The following GALNT18 variants were observed in gnomAD, a reference collection of about 807,000 sequenced individuals.
GALNT18 encodes the protein GalNAc-transferase 18.
In GALNT18, 44 loss-of-function variants were observed where a neutral mutation model predicts 69.5. The ratio of observed to expected loss-of-function variants is 0.63; its 90% CI spans 0.50 to 0.81. The LOEUF (loss-of-function observed/expected upper bound fraction) is 0.81. GALNT18 is among the 40% of genes least tolerant of loss of function. The probability of loss-of-function intolerance (pLI) is 0.00; values close to 1 mark genes in which losing one functional copy is unlikely to be tolerated. For synonymous variants in GALNT18, 364 were observed against 318.2 expected, an observed-to-expected ratio of 1.14 and a Z score of -1.53; for missense variants, 715 against 810.0, an observed-to-expected ratio of 0.88 and a Z score of 1.42.
chr11:11,398,431 C>T (rs1854384163), intron 3 of GALNT18, among the ~76,000 whole-genome samples: 1 of 152,178 alleles, frequency 6.6e-6, no homozygotes, highest in Non-Finnish European at 1.5e-5. Context: ...TTTACTCCTC[C>T]CAACAAGCTT....
chr11:11,354,174 G>A (rs1348743790), intron 6 of GALNT18, among the ~76,000 whole-genome samples: 1 of 152,170 alleles, frequency 6.6e-6, no homozygotes, highest in African/African-American at 2.4e-5. Flanking sequence ...ATCATCACTG[G>A]TGTCATCTCT....
intron 1 of GALNT18, among the ~76,000 whole-genome samples, chr11:11,521,687 C>T (rs2133928978): frequency 6.6e-6 from 1 of 152,276 alleles, no homozygotes; most frequent in South Asian, 2.1e-4. Context: ...TCAAAGCCAC[C>T]TTCTTCCTAA....
Position 11,377,766 on chromosome 11 carries a change from T to C in GALNT18, c.780-387A>G, listed in dbSNP as rs78104197. Among the ~76,000 whole-genome samples the C allele has an allele frequency of 8.6e-4, 131 of 152,274 alleles. No individual in the cohort carries two copies. The highest frequency in any genetic ancestry group is 1.7e-3 in the Non-Finnish European group (118 of 68,036). Reference sequence around the variant, plus strand: ...CTTTCACCTTGGGCTTTGATTTTGCTAAAATTCTATGTGTCAACCTGGAGG... The same window carrying C: ...CTTTCACCTTGGGCTTTGATTTTGCCAAAATTCTATGTGTCAACCTGGAGG... On this transcript the variant is annotated intron_variant, in intron 4 of 10. Transcript: ENST00000227756. This position sits in a 1 kb window ranked among gnomAD's most constrained non-coding sequence, Gnocchi z 4.6.
At position 11,461,364 on chromosome 11, in the gene GALNT18, A is replaced by G. The variant is rs866323772; in HGVS notation, c.236-12428T>C. ...ATTATGCAGAATGAAAGCTGCTATT[A>G]AAGGGTCAAGTTTTTACACTCCATG... On this transcript the variant is annotated intron_variant, in intron 1 of 10. Coordinates refer to ENST00000227756, the MANE Select transcript of GALNT18 (RefSeq NM_198516.3). The surrounding 1 kb of genome is among the most constrained non-coding windows in gnomAD (Gnocchi z 4.1). Among the ~76,000 whole-genome samples, 22 of 152,292 alleles carry G rather than the reference A, an allele frequency of 1.4e-4. No individual in the cohort carries two copies. The highest frequency in any genetic ancestry group is 3.4e-3 in the Middle Eastern group (1 of 294).
rs887952626 is a variant in GALNT18, at chr11:11,529,629, A to C, written c.236-80693T>G. Among the ~76,000 whole-genome samples, 370 of 94,012 alleles carry C rather than the reference A, an allele frequency of 3.9e-3. 1 individual carries two copies. Among genetic ancestry groups the C allele is most frequent in the African/African-American group, 0.012 (349 of 29,034 alleles). 61.7% of individuals were successfully genotyped at this position (94,012 alleles called of 152,430 possible). On this transcript the variant is annotated intron_variant, in intron 1 of 10. Coordinates refer to ENST00000227756, the MANE Select transcript of GALNT18 (RefSeq NM_198516.3). ...CAATTCTTTATAATAATCTCCTTAT[A>C]TATATATATACACACACACACACAC...
intron 3 of GALNT18, among the ~76,000 whole-genome samples, chr11:11,398,140 G>A (rs1411285767): frequency 2.0e-5 from 3 of 152,244 alleles, no homozygotes; most frequent in African/African-American, 7.2e-5. Flanking sequence ...AAACTGGGAT[G>A]TTAAGCAATG....
chr11:11,326,547 T>C (rs1171050220), intron 9 of GALNT18, among the ~76,000 whole-genome samples: 1 of 152,180 alleles, frequency 6.6e-6, no homozygotes, highest in Non-Finnish European at 1.5e-5. Context: ...TTTGTAAGAA[T>C]AACTTATTTT....
rs1854784091 is a variant in GALNT18 at position 11,413,680 on chromosome 11, G to A, written c.595+18941C>T. ...CCAGCATGGAGCAGAGGGAGTCTGG[G>A]AAGTTGACTACTCCAGGGGTCCAGG... On this transcript the variant is annotated intron_variant, in intron 3 of 10. Coordinates refer to ENST00000227756, the MANE Select transcript of GALNT18 (RefSeq NM_198516.3). This position sits in a 1 kb window ranked among gnomAD's most constrained non-coding sequence, Gnocchi z 4.7. Among the ~76,000 whole-genome samples, 1 of 152,162 alleles carries A rather than the reference G, an allele frequency of 6.6e-6. No individual in the cohort carries two copies.
At position 11,413,152 on chromosome 11, in the gene GALNT18, T is replaced by G. The variant is rs1353144384; in HGVS notation, c.595+19469A>C. On this transcript the variant is annotated intron_variant, in intron 3 of 10. Transcript: ENST00000227756. This position sits in a 1 kb window ranked among gnomAD's most constrained non-coding sequence, Gnocchi z 4.7. ...TGAATAAACTGCATGCAGTTGAATC[T>G]GTGTCTCAGAGTCTGCTTCTGGGGG... Among the ~76,000 whole-genome samples the G allele has an allele frequency of 2.0e-5, 3 of 152,186 alleles. No homozygotes were observed. Among genetic ancestry groups the G allele is most frequent in the Admixed American group, 6.5e-5 (1 of 15,282 alleles).
intron 3 of GALNT18, among the ~76,000 whole-genome samples, chr11:11,409,488 C>A (rs774785829): frequency 2.0e-5 from 3 of 152,264 alleles, no homozygotes; most frequent in South Asian, 4.1e-4. Flanking sequence ...ATCTTCACCA[C>A]AAGCCAGCCT....
rs1031250443 is a variant in GALNT18 at position 11,303,599 on chromosome 11, G to C, written c.1513-10406C>G. 9.2e-5 allele frequency among the ~76,000 whole-genome samples: 14 copies of C among 151,484 alleles called. No individual in the cohort carries two copies. In the East Asian group the frequency reaches 2.7e-3, roughly 29 times the overall value. Reference sequence around the variant, plus strand: ...CCTGTCACTGTACTTGGGCCCTAGCGCAACCTCAGTCAGCAGTGGGGCTCA... The same window carrying C: ...CCTGTCACTGTACTTGGGCCCTAGCCCAACCTCAGTCAGCAGTGGGGCTCA... On this transcript the variant is annotated intron_variant, in intron 9 of 10. Transcript: ENST00000227756.
chr11:11,363,867 A>G (rs1589939617), intron 6 of GALNT18, among the ~76,000 whole-genome samples: 1 of 151,226 alleles, frequency 6.6e-6, no homozygotes, highest in East Asian at 1.9e-4. Flanking sequence ...TGAGCCTGGA[A>G]CCCTCCTCAT....
chr11:11,377,308 T>A lies in GALNT18; in HGVS notation c.851A>T (p.Lys284Ile), dbSNP rs1415301177. The A allele has an allele frequency of 6.2e-7, 1 of 1,613,954 alleles. No individual in the cohort carries two copies. The highest frequency in any genetic ancestry group is 8.5e-7 in the Non-Finnish European group (1 of 1,180,014). ...CTCTTCTATCTCAAAGTTGTCATAT[T>A]TGATGTTATCAAAGGATGGCGAGAT... ...RIISPSFDNI[K>I]YDNFEIEEYP... The change falls in exon 5 of 11, where the codon AAA becomes ATA. Residue 284 changes from lysine to isoleucine, a missense_variant. Coordinates refer to ENST00000227756, the MANE Select transcript of GALNT18 (RefSeq NM_198516.3). This position sits in a 1 kb window ranked among gnomAD's most constrained non-coding sequence, Gnocchi z 4.6.
Position 11,504,490 on chromosome 11 carries a change from C to T in GALNT18, c.236-55554G>A, listed in dbSNP as rs531179111. Among the ~76,000 whole-genome samples the T allele has an allele frequency of 8.0e-4, 122 of 152,106 alleles. 1 individual carries two copies. The highest frequency in any genetic ancestry group is 3.4e-4 in the Non-Finnish European group (23 of 68,020). On this transcript the variant is annotated intron_variant, in intron 1 of 10. Coordinates refer to ENST00000227756, the MANE Select transcript of GALNT18 (RefSeq NM_198516.3). ...ATCAGGTCATCACCGGGCGTGATGG[C>T]TCATGTGTGTAATCCCTGCACTTTG...
At chr11:11,288,636 T>C (rs775936112) in intron 10 of GALNT18, among the ~76,000 whole-genome samples, 11 of 152,320 alleles carry the variant, frequency 7.2e-5, no homozygotes, top group Non-Finnish European at 1.0e-4. Context: ...CTGTTCATCA[T>C]TGGAAAATTG....
chr11:11,581,680 C>T (rs544190706), intron 1 of GALNT18, among the ~76,000 whole-genome samples: 7 of 152,270 alleles, frequency 4.6e-5, no homozygotes, highest in South Asian at 2.1e-4. Flanking sequence ...CTGGCTCCTG[C>T]TACCCACTCC....
chr11:11,492,277 C>T (rs1217753783), intron 1 of GALNT18, among the ~76,000 whole-genome samples: 2 of 152,222 alleles, frequency 1.3e-5, no homozygotes, highest in African/African-American at 4.8e-5. Flanking sequence ...ACACCAGGTG[C>T]TGCCCTCTGG....
chr11:11,274,609 G>C (rs1460957276), intron 10 of GALNT18, among the ~76,000 whole-genome samples: 1 of 152,152 alleles, frequency 6.6e-6, no homozygotes, highest in Non-Finnish European at 1.5e-5. Context: ...GTGCAGTTTT[G>C]TTACATAGGT....
Position 11,291,726 on chromosome 11 carries a change from T to C in GALNT18, c.1677+1303A>G, listed in dbSNP as rs116335650. Among the ~76,000 whole-genome samples the C allele has an allele frequency of 4.4e-3, 675 of 152,312 alleles. 10 individuals carry two copies. Among genetic ancestry groups the C allele is most frequent in the African/African-American group, 0.015 (642 of 41,556 alleles). ...GGCTCCTCTCCACCATCTGCTTTCC[T>C]GTGTTCACAAAGCCCTGGTTTAGGC... On this transcript the variant is annotated intron_variant, in intron 10 of 10. Transcript: ENST00000227756.
Sources: allele counts gnomAD v4.1 joint callset (sites outside exome capture counted in the v4.1 genomes callset), GRCh38; gene constraint gnomAD v4.1.1; non-coding constraint Gnocchi (gnomAD v3.1); transcripts MANE v1.5; gene names NCBI Gene and HGNC (gene_info 2026-07-23, HGNC 2026-07-21).